WNK1: variants seen among roughly 807,000 people sequenced by gnomAD.
The protein encoded by WNK1 is WNK lysine deficient protein kinase 1, also known as serine/threonine-protein kinase WNK1.
In WNK1, 38 loss-of-function variants were observed where a neutral mutation model predicts 222.8. That is an observed-to-expected ratio of 0.17 (90% CI 0.13 to 0.22). The LOEUF is 0.22. Among genes scored for constraint, WNK1 ranks in the 10% least tolerant of loss-of-function variants. WNK1 has a pLI of 1.00. For synonymous variants in WNK1, 1,090 were observed against 1,092.9 expected, an observed-to-expected ratio of 1.00 and a Z score of 0.05; for missense variants, 2,348 against 2,918.4, an observed-to-expected ratio of 0.80 and a Z score of 4.50.
chr12:886,444 T>G (rs1395473965), intron 19 of WNK1, among the ~76,000 whole-genome samples: 4 of 152,232 alleles, frequency 2.6e-5, no homozygotes, highest in African/African-American at 9.6e-5. Context: ...GTTCATAGTC[T>G]TTGTTTCAGT....
At chr12:757,642 TGG>T in intron 1 of WNK1, among the ~76,000 whole-genome samples, 2 of 149,088 alleles carry the variant, frequency 1.3e-5, no homozygotes, top group African/African-American at 2.4e-5. Flanking sequence ...TTGGTTGTCT[TGG>T]TCAGAAAATA....
At chr12:875,681 G>A (rs138876756) in intron 9 of WNK1, among the ~76,000 whole-genome samples, 1 of 152,248 alleles carries the variant, frequency 6.6e-6, no homozygotes, top group Non-Finnish European at 1.5e-5. Context: ...GCTTTTCACT[G>A]CACATTTTAC....
At chr12:880,677 GA>G (rs1953070423) in intron 11 of WNK1, 43 bp from the exon 12 acceptor site, 13 of 1,511,038 alleles carry the variant, frequency 8.6e-6, no homozygotes, top group Non-Finnish European at 1.2e-5. Context: ...CTAATTTATT[GA>G]CCCCCAACCT....
intron 4 of WNK1, chr12:851,683 G>A: frequency 7.6e-7 from 1 of 1,321,784 alleles, no homozygotes; most frequent in Non-Finnish European, 9.9e-7. Flanking sequence ...AATCTGTTTT[G>A]CCTTTTCTGA....
At chr12:865,285 T>A (rs1044659542) in intron 8 of WNK1, 1 of 1,536,106 alleles carries the variant, frequency 6.5e-7, no homozygotes, top group Non-Finnish European at 8.7e-7. Context: ...TCTAAAGCAT[T>A]GGAGAGTGTC....
At chr12:767,632 C>G (rs1303421629) in intron 1 of WNK1, among the ~76,000 whole-genome samples, 1 of 152,066 alleles carries the variant, frequency 6.6e-6, no homozygotes, top group East Asian at 1.9e-4. Context: ...CTTTAATTCT[C>G]CTGTCTTTCA....
intron 1 of WNK1, among the ~76,000 whole-genome samples, chr12:779,372 C>G (rs925890560): frequency 2.7e-5 from 4 of 147,862 alleles, no homozygotes; most frequent in African/African-American, 9.9e-5. Flanking sequence ...TTTTCTTTGC[C>G]TTTCTTTTCT....
At chr12:907,101 C>G (rs890605917) in intron 26 of WNK1, among the ~76,000 whole-genome samples, 1 of 147,914 alleles carries the variant, frequency 6.8e-6, no homozygotes, top group Non-Finnish European at 1.5e-5. Context: ...GGGCGGATCA[C>G]CTGAGGTCAG....
intron 1 of WNK1, among the ~76,000 whole-genome samples, chr12:785,391 C>T (rs995165643): frequency 7.9e-6 from 1 of 126,700 alleles, no homozygotes; most frequent in Non-Finnish European, 1.6e-5. Context: ...ACGTCCATAT[C>T]ATTTTCTCCC....
At position 883,519 on chromosome 12, in the gene WNK1, G is replaced by A. The variant is rs761597327; in HGVS notation, c.3614G>A (p.Gly1205Glu). ...DVSVEPEGDQ[G>E]LESLQGKDDY... ...AGTGTGGAACCAGAGGGTGATCAGG[G>A]ATTGGAGAGTCTACAAGGAAAGGAT... The change falls in exon 16 of 28, where the codon GGA becomes GAA. Residue 1205 changes from glycine to glutamate, a missense_variant. By Grantham distance (98) the Gly-to-Glu change is moderately conservative. Around this residue, in one of 13 missense-constraint regions of WNK1, gnomAD observed 1,144 missense variants for 1,273.6 expected, o/e 0.90. Coordinates refer to ENST00000315939, the MANE Select transcript of WNK1 (RefSeq NM_018979.4). 7 of 1,614,074 alleles carry A rather than the reference G, an allele frequency of 4.3e-6. No individual in the cohort carries two copies. In the East Asian group the frequency reaches 1.3e-4, roughly 31 times the overall value.
intron 22 of WNK1, among the ~76,000 whole-genome samples, chr12:892,628 A>T (rs966766056): frequency 6.6e-6 from 1 of 152,220 alleles, no homozygotes; most frequent in Non-Finnish European, 1.5e-5. Flanking sequence ...TAGTCATATC[A>T]CAAAAAGAAC....
chr12:848,143 A>G (rs564381371), intron 4 of WNK1, among the ~76,000 whole-genome samples: 1 of 152,260 alleles, frequency 6.6e-6, no homozygotes, highest in East Asian at 1.9e-4. Flanking sequence ...TAGAATTAAC[A>G]TTTCTGTTAT....
intron 4 of WNK1, chr12:851,757 G>C: frequency 1.5e-6 from 2 of 1,346,608 alleles, no homozygotes; most frequent in Non-Finnish European, 2.0e-6. Context: ...TGCTGCTGCT[G>C]CCCTCAAAAG....
At chr12:887,504 C>T (rs866990855) in intron 20 of WNK1, among the ~76,000 whole-genome samples, 200 bp downstream of exon 20, 7 of 152,216 alleles carry the variant, frequency 4.6e-5, no homozygotes, top group Middle Eastern at 6.8e-3. Context: ...ATGTTGCTTC[C>T]GGTTATCCAA....
At chr12:819,853 T>A (rs1374085012) in intron 2 of WNK1, among the ~76,000 whole-genome samples, 1 of 152,212 alleles carries the variant, frequency 6.6e-6, no homozygotes, top group African/African-American at 2.4e-5. Context: ...TTGGTACTCT[T>A]CTCAAAAATT....
Position 753,458 on chromosome 12 carries a change from A to T in WNK1, c.-108A>T, listed in dbSNP as rs2120979512. The T allele has an allele frequency of 2.7e-6, 4 of 1,491,458 alleles. No individual in the cohort carries two copies. In the East Asian group the frequency reaches 9.8e-5, roughly 37 times the overall value. The allele number at this position is 1,491,458 out of a possible 1,614,324, so 92.4% of individuals were successfully genotyped here. On this transcript the variant is annotated 5_prime_UTR_variant, in exon 1 of 28. Transcript: ENST00000315939. The surrounding 1 kb of genome is among the most constrained non-coding windows in gnomAD (Gnocchi z 5.2). ...TGAGGCGTCGTCCGGGTCGGCGCGA[A>T]CCCGCCCGGCCGCGGTTCCCTGCAG...
chr12:766,681 G>C (rs555594183), intron 1 of WNK1, among the ~76,000 whole-genome samples: 1 of 152,058 alleles, frequency 6.6e-6, no homozygotes, highest in African/African-American at 2.4e-5. Context: ...GTTTCACCAT[G>C]TTGGTTGGGC....
intron 16 of WNK1, 34 bp downstream of exon 16, chr12:883,602 G>T: frequency 1.2e-6 from 2 of 1,613,612 alleles, no homozygotes; most frequent in South Asian, 2.2e-5. Context: ...AAACTTTGTT[G>T]ATTTAAAATA....
At chr12:873,831 T>G (rs991308025) in intron 9 of WNK1, among the ~76,000 whole-genome samples, 4 of 152,164 alleles carry the variant, frequency 2.6e-5, no homozygotes, top group African/African-American at 4.8e-5. Context: ...TTGTTTTATT[T>G]TAGTGAGGAA....
Sources: allele counts gnomAD v4.1 joint callset (sites outside exome capture counted in the v4.1 genomes callset), GRCh38; gene constraint gnomAD v4.1.1; regional missense constraint gnomAD v4.1.1; non-coding constraint Gnocchi (gnomAD v3.1); transcripts MANE v1.5; gene names NCBI Gene and HGNC (gene_info 2026-07-23, HGNC 2026-07-21).